Variants in PHF21A observed in about 807,000 individuals in gnomAD.
PHF21A encodes BHC80a.
In PHF21A, 11 loss-of-function variants were observed where a neutral mutation model predicts 82.5. The ratio of observed to expected loss-of-function variants is 0.13; its 90% CI spans 0.08 to 0.22. PHF21A has a LOEUF of 0.22. Ranked by LOEUF, PHF21A falls within the 10% of genes least tolerant of loss-of-function variation. PHF21A has a pLI of 1.00. For synonymous variants in PHF21A, 297 were observed against 302.8 expected (o/e 0.98, Z 0.20); for missense variants, 579 against 837.8 (o/e 0.69, Z 3.81).
chr11:46,089,932 A>G (rs974384693), intron 3 of PHF21A, among the ~76,000 whole-genome samples: 29 of 151,856 alleles, frequency 1.9e-4, no homozygotes, highest in Non-Finnish European at 4.0e-4. Flanking sequence ...CTCCTTCACA[A>G]GTCTGTGTAG....
chr11:46,074,663 C>T (rs527958707), intron 6 of PHF21A, among the ~76,000 whole-genome samples: 11 of 152,280 alleles, frequency 7.2e-5, no homozygotes, highest in South Asian at 2.1e-4. Flanking sequence ...CCACTACACC[C>T]GGTTAATTTT....
chr11:46,066,038 T>C (rs188279512), intron 6 of PHF21A, among the ~76,000 whole-genome samples: 1 of 152,212 alleles, frequency 6.6e-6, no homozygotes, highest in Non-Finnish European at 1.5e-5. Context: ...AATCTGTAAT[T>C]ATTTCCAAGT....
intron 10 of PHF21A, among the ~76,000 whole-genome samples, chr11:45,954,317 T>C (rs529960462): frequency 6.6e-6 from 1 of 152,170 alleles, no homozygotes; most frequent in African/African-American, 2.4e-5. Flanking sequence ...ATATTATAGG[T>C]CAAGCTCCAG....
At chr11:46,119,930 G>A (rs1255156365) in intron 1 of PHF21A, 1 of 146,188 alleles carries the variant, frequency 6.8e-6, no homozygotes, top group Non-Finnish European at 1.5e-5. Context: ...GCCCCTCTCG[G>A]AGCGGCCTGT....
chr11:46,074,458 C>CT (rs1555170891), intron 6 of PHF21A, among the ~76,000 whole-genome samples: 1 of 127,044 alleles, frequency 7.9e-6, no homozygotes. Flanking sequence ...GCTCTTTTGG[C>CT]GGGAGGGGGG....
chr11:46,054,593 C>T (rs915640891), intron 6 of PHF21A, among the ~76,000 whole-genome samples: 4 of 152,146 alleles, frequency 2.6e-5, no homozygotes, highest in East Asian at 1.9e-4. Flanking sequence ...GCAGTTTACA[C>T]GTAGATGTGG....
intron 6 of PHF21A, among the ~76,000 whole-genome samples, chr11:46,035,132 GCT>G (rs1555123817): frequency 6.6e-6 from 1 of 151,974 alleles, no homozygotes; most frequent in Non-Finnish European, 1.5e-5. Context: ...CAATATGTCC[GCT>G]CTCTTTTTGG....
chr11:45,934,245 C>T lies in PHF21A; in HGVS notation c.1789-20G>A, dbSNP rs1386908144. 3.7e-6 allele frequency: 6 copies of T among 1,605,392 alleles called. No homozygotes were observed. The highest frequency in any genetic ancestry group is 5.1e-6 in the Non-Finnish European group (6 of 1,177,806). ...GCATTTCTGCAGCAAATGACAAGGG[C>T]AGTGGCACTGAGCCGCCTGGTTTCT... is the stretch of plus-strand genomic sequence containing the variant. On this transcript the variant is annotated intron_variant, in intron 18 of 18. Coordinates refer to ENST00000676320, the MANE Select transcript of PHF21A (RefSeq NM_001352027.3).
intron 6 of PHF21A, among the ~76,000 whole-genome samples, chr11:46,007,319 C>CTT (rs929759044): frequency 6.9e-6 from 1 of 145,254 alleles, no homozygotes. Flanking sequence ...TCTTCTTCTT[C>CTT]TTTTTTTTTT....
chr11:46,088,393 C>A (rs1450679237), intron 3 of PHF21A, among the ~76,000 whole-genome samples: 2 of 145,260 alleles, frequency 1.4e-5, no homozygotes, highest in African/African-American at 5.3e-5. Flanking sequence ...TATCTAATGG[C>A]CTCTAACTTT....
intron 6 of PHF21A, among the ~76,000 whole-genome samples, chr11:45,996,423 T>TA (rs1350378376): frequency 2.6e-5 from 4 of 152,292 alleles, no homozygotes; most frequent in South Asian, 4.1e-4. Flanking sequence ...GTAACTCACT[T>TA]AAAAAATATG....
intron 6 of PHF21A, among the ~76,000 whole-genome samples, chr11:46,035,638 A>G (rs943849265): frequency 2.6e-5 from 4 of 152,214 alleles, no homozygotes; most frequent in African/African-American, 9.6e-5. Context: ...GACCTAACCT[A>G]ATCTATAGGT....
intron 6 of PHF21A, among the ~76,000 whole-genome samples, chr11:46,058,526 G>A (rs1411517579): frequency 6.6e-6 from 1 of 152,120 alleles, no homozygotes; most frequent in Admixed American, 6.5e-5. Context: ...ATGAATTGAG[G>A]TTTAAAACTT....
intron 6 of PHF21A, among the ~76,000 whole-genome samples, chr11:46,055,808 C>G (rs921850717): frequency 6.6e-6 from 1 of 151,990 alleles, no homozygotes; most frequent in Non-Finnish European, 1.5e-5. Flanking sequence ...ACGATCTAAG[C>G]CTAAAATCAG....
In PHF21A at chr11:46,121,424, G is replaced by A. The variant is rs1236216583; in HGVS notation, c.-726C>T. Among the ~76,000 whole-genome samples, 1 of 151,420 alleles carries A rather than the reference G, an allele frequency of 6.6e-6. No homozygotes were observed. Among genetic ancestry groups the A allele is most frequent in the African/African-American group, 2.4e-5 (1 of 41,422 alleles). ...TCAGCAGCAGCAGCGAGCACCACCA[G>A]CCCATTCACCACCCGGCCCCGGGCC... is the stretch of plus-strand genomic sequence containing the variant. On this transcript the variant is annotated 5_prime_UTR_variant, in exon 1 of 19. Coordinates refer to ENST00000676320, the MANE Select transcript of PHF21A (RefSeq NM_001352027.3).
At chr11:45,984,943 T>A (rs1179282889) in intron 6 of PHF21A, among the ~76,000 whole-genome samples, 3 of 152,218 alleles carry the variant, frequency 2.0e-5, no homozygotes, top group Non-Finnish European at 4.4e-5. Flanking sequence ...TGAATCAACA[T>A]GCAATTTAAA....
chr11:46,053,611 T>C (rs1240787585), intron 6 of PHF21A, among the ~76,000 whole-genome samples: 1 of 152,076 alleles, frequency 6.6e-6, no homozygotes, highest in Non-Finnish European at 1.5e-5. Context: ...TTAATCAGTG[T>C]TTCATACAGG....
At chr11:46,109,937 C>T (rs540000253) in intron 1 of PHF21A, among the ~76,000 whole-genome samples, 2 of 151,298 alleles carry the variant, frequency 1.3e-5, no homozygotes, top group African/African-American at 4.9e-5. Flanking sequence ...GCTGAGATGG[C>T]CCCCCTGCAC....
chr11:46,108,960 C>T (rs2097181694), intron 1 of PHF21A, among the ~76,000 whole-genome samples: 1 of 152,192 alleles, frequency 6.6e-6, no homozygotes, highest in African/African-American at 2.4e-5. Flanking sequence ...CAAATGTCTT[C>T]ATTTCCATCC....
Sources: allele counts gnomAD v4.1 joint callset (sites outside exome capture counted in the v4.1 genomes callset), GRCh38; gene constraint gnomAD v4.1.1; transcripts MANE v1.5; gene names NCBI Gene and HGNC (gene_info 2026-07-23, HGNC 2026-07-21).